The following GULP1 variants were observed in gnomAD, a reference collection of about 807,000 sequenced individuals.
GULP1 encodes the protein GULP PTB domain containing engulfment adaptor 1.
GULP1 carries 19 observed loss-of-function variants against 40.9 expected under a neutral mutation model. The observed-to-expected ratio is 0.46, with a 90% CI of 0.32 to 0.68. The LOEUF is 0.68. Among genes scored for constraint, GULP1 ranks in the 30% least tolerant of loss-of-function variants. The pLI, the probability that GULP1 is intolerant of heterozygous loss-of-function variation, is 0.03. For synonymous variants in GULP1, 119 were observed against 117.6 expected (o/e 1.01, Z -0.08); for missense variants, 312 against 362.2 (o/e 0.86, Z 1.12).
chr2:188,377,913 C>T (rs1021820634), intron 1 of GULP1, among the ~76,000 whole-genome samples: 10 of 152,024 alleles, frequency 6.6e-5, no homozygotes, highest in African/African-American at 2.2e-4. Context: ...TACTTTTTCA[C>T]TTCTCTGGGA....
intron 2 of GULP1, among the ~76,000 whole-genome samples, chr2:188,453,925 T>C (rs1025658942): frequency 1.3e-5 from 2 of 152,206 alleles, no homozygotes; most frequent in African/African-American, 4.8e-5. Flanking sequence ...CTTTCTTTCT[T>C]TCCACTGCAC....
intron 1 of GULP1, among the ~76,000 whole-genome samples, chr2:188,323,249 G>A (rs540026086): frequency 2.6e-5 from 4 of 151,970 alleles, no homozygotes; most frequent in East Asian, 1.9e-4. Flanking sequence ...TACTTCCTGC[G>A]ATTTTATTTT....
At chr2:188,556,076 GAAAAAGAAAA>G (rs993642078) in intron 7 of GULP1, among the ~76,000 whole-genome samples, 5 of 145,974 alleles carry the variant, frequency 3.4e-5, no homozygotes, top group Non-Finnish European at 5.9e-5. Context: ...AAAAGAAAAA[GAAAAAGAAAA>G]AAAAAGAAGG....
intron 1 of GULP1, among the ~76,000 whole-genome samples, chr2:188,352,244 G>A (rs534276596): frequency 6.6e-6 from 1 of 152,240 alleles, no homozygotes; most frequent in South Asian, 2.1e-4. Context: ...TCTCTAATGT[G>A]GGTGGGCCTC....
At chr2:188,517,666 A>T (rs916682169) in intron 4 of GULP1, among the ~76,000 whole-genome samples, 1 of 152,124 alleles carries the variant, frequency 6.6e-6, no homozygotes, top group Non-Finnish European at 1.5e-5. Flanking sequence ...CAGGTGACCC[A>T]TCTATTTCAC....
chr2:188,518,026 C>T (rs2153223283), intron 4 of GULP1, among the ~76,000 whole-genome samples: 1 of 152,048 alleles, frequency 6.6e-6, no homozygotes, highest in South Asian at 2.1e-4. Flanking sequence ...AGGAACCAGG[C>T]AGAGTGGAAA....
chr2:188,540,700 G>C (rs1690245818), intron 6 of GULP1, among the ~76,000 whole-genome samples: 1 of 152,072 alleles, frequency 6.6e-6, no homozygotes, highest in Non-Finnish European at 1.5e-5. Context: ...ATGATAGTGT[G>C]TTTCACATGA....
At chr2:188,537,955 T>G (rs2153281152) in intron 6 of GULP1, among the ~76,000 whole-genome samples, 1 of 152,238 alleles carries the variant, frequency 6.6e-6, no homozygotes, top group South Asian at 2.1e-4. Flanking sequence ...TCCTCTAGAT[T>G]TTCTAGTTTG....
chr2:188,399,496 GAATATGGGGGCAAATAAAAAC>G (rs1032031982), intron 2 of GULP1, among the ~76,000 whole-genome samples: 3 of 151,802 alleles, frequency 2.0e-5, no homozygotes, highest in African/African-American at 7.3e-5. Flanking sequence ...GACGGAGGGC[GAATATGGGGGCAAATAAAAAC>G]AATAGATACC....
intron 1 of GULP1, among the ~76,000 whole-genome samples, chr2:188,321,693 A>G (rs1338262255): frequency 2.0e-5 from 3 of 152,038 alleles, no homozygotes; most frequent in Non-Finnish European, 4.4e-5. Flanking sequence ...CACATTAAAT[A>G]GTAAAGTAAA....
At chr2:188,418,427 T>A (rs935941858) in intron 2 of GULP1, among the ~76,000 whole-genome samples, 3 of 151,958 alleles carry the variant, frequency 2.0e-5, no homozygotes, top group Non-Finnish European at 4.4e-5. Flanking sequence ...AGGTCAGGAG[T>A]TCGAGACCAG....
intron 1 of GULP1, among the ~76,000 whole-genome samples, chr2:188,348,073 G>T (rs2043934531): frequency 6.6e-6 from 1 of 152,152 alleles, no homozygotes; most frequent in Non-Finnish European, 1.5e-5. Context: ...ATTCAGTGCG[G>T]AAGTAACTTA....
At chr2:188,352,074 C>G (rs1052654388) in intron 1 of GULP1, among the ~76,000 whole-genome samples, 1 of 152,064 alleles carries the variant, frequency 6.6e-6, no homozygotes. Context: ...CAGATGTGAA[C>G]CAATTTGAAT....
At chr2:188,398,416 A>G (rs1412554491) in intron 2 of GULP1, among the ~76,000 whole-genome samples, 5 of 152,370 alleles carry the variant, frequency 3.3e-5, no homozygotes, top group Admixed American at 2.6e-4. Context: ...GTGTCTGTTT[A>G]GTACATCTAT....
At chr2:188,559,746 C>A (rs970593029) in intron 7 of GULP1, among the ~76,000 whole-genome samples, 1 of 152,092 alleles carries the variant, frequency 6.6e-6, no homozygotes, top group African/African-American at 2.4e-5. Context: ...TATGGTTTGG[C>A]TCTGTGTCCC....
intron 2 of GULP1, among the ~76,000 whole-genome samples, chr2:188,430,423 A>C (rs1248129419): frequency 1.3e-5 from 2 of 152,206 alleles, no homozygotes; most frequent in African/African-American, 4.8e-5. Context: ...GATAACCAGA[A>C]AGTTAAACTT....
intron 2 of GULP1, among the ~76,000 whole-genome samples, chr2:188,473,999 G>A (rs1359643602): frequency 6.6e-6 from 1 of 152,126 alleles, no homozygotes; most frequent in East Asian, 1.9e-4. Flanking sequence ...GGTAATGAAG[G>A]CTACTAGTAC....
chr2:188,298,805 G>C (rs928378027), intron 1 of GULP1, among the ~76,000 whole-genome samples: 3 of 152,174 alleles, frequency 2.0e-5, no homozygotes, highest in Admixed American at 2.0e-4. Flanking sequence ...TGAGGTTTTA[G>C]AGAACAACAT....
At chr2:188,474,281 C>G (rs745410927) in intron 2 of GULP1, among the ~76,000 whole-genome samples, 4 of 152,146 alleles carry the variant, frequency 2.6e-5, no homozygotes. Flanking sequence ...TCTACTAGCT[C>G]TGGACCCAGT....
Sources: gnomAD v4.1 joint callset for allele counts (sites outside exome capture counted in the v4.1 genomes callset) on GRCh38, gnomAD v4.1.1 for gene constraint, MANE v1.5 for transcripts, NCBI Gene and HGNC (gene_info 2026-07-23, HGNC 2026-07-21) for gene names.